Variants in LDLRAD4 observed in about 807,000 individuals in gnomAD.
LDLRAD4 encodes the protein low-density lipoprotein receptor class A domain-containing protein 4.
Under a neutral mutation model 17.0 loss-of-function variants are expected in LDLRAD4, and 5 were observed. The ratio of observed to expected loss-of-function variants is 0.29; its 90% CI spans 0.15 to 0.62. The LOEUF (loss-of-function observed/expected upper bound fraction) is 0.62, where lower values mean the gene tolerates loss of function less well. Ranked by LOEUF, LDLRAD4 falls within the 20% of genes least tolerant of loss-of-function variation. The pLI, the probability that LDLRAD4 is intolerant of heterozygous loss-of-function variation, is 0.84. For synonymous variants in LDLRAD4, 168 were observed against 171.8 expected, an observed-to-expected ratio of 0.98 and a Z score of 0.17; for missense variants, 340 against 424.7, an observed-to-expected ratio of 0.80 and a Z score of 1.75.
At chr18:13,506,165 G>T (rs144527332) in intron 3 of LDLRAD4, among the ~76,000 whole-genome samples, 2 of 152,048 alleles carry the variant, frequency 1.3e-5, no homozygotes, top group Non-Finnish European at 2.9e-5. Flanking sequence ...TCCCCTGGGC[G>T]TGACAGGAGT....
At chr18:13,637,416 G>A (rs1280098919) in intron 4 of LDLRAD4, among the ~76,000 whole-genome samples, 1 of 152,080 alleles carries the variant, frequency 6.6e-6, no homozygotes, top group East Asian at 1.9e-4. Flanking sequence ...AACCTTAAGA[G>A]AAAGCTCCTG....
At chr18:13,288,753 G>A (rs932817681) in intron 1 of LDLRAD4, among the ~76,000 whole-genome samples, 1 of 90,544 alleles carries the variant, frequency 1.1e-5, no homozygotes, top group Non-Finnish European at 2.6e-5. Flanking sequence ...TGCAAGGTGA[G>A]TCACGGGCCA....
chr18:13,592,834 G>T (rs896134516), intron 3 of LDLRAD4, among the ~76,000 whole-genome samples: 1 of 152,168 alleles, frequency 6.6e-6, no homozygotes, highest in Non-Finnish European at 1.5e-5. Flanking sequence ...TTCCCAGTTG[G>T]AAAGGGAGTG....
At chr18:13,566,596 C>G (rs2094605402) in intron 3 of LDLRAD4, among the ~76,000 whole-genome samples, 1 of 152,104 alleles carries the variant, frequency 6.6e-6, no homozygotes. Context: ...CTCTTGACCT[C>G]ATGATCCACC....
chr18:13,322,457 G>A (rs1366590921), intron 1 of LDLRAD4, among the ~76,000 whole-genome samples: 3 of 144,804 alleles, frequency 2.1e-5, no homozygotes, highest in East Asian at 2.1e-4. Context: ...GTACCACGAC[G>A]CCCAGCTAAT....
At chr18:13,632,505 C>T (rs1027093348) in intron 4 of LDLRAD4, among the ~76,000 whole-genome samples, 8 of 152,198 alleles carry the variant, frequency 5.3e-5, no homozygotes, top group Middle Eastern at 3.2e-3. Flanking sequence ...CAGGCACTTG[C>T]GTCTGGATGA....
At chr18:13,245,349 A>G (rs566170074) in intron 1 of LDLRAD4, among the ~76,000 whole-genome samples, 35 of 152,296 alleles carry the variant, frequency 2.3e-4, no homozygotes, top group African/African-American at 8.2e-4. Context: ...GATTCAGGTG[A>G]TATCAATTTT....
At chr18:13,295,063 T>C (rs558655288) in intron 1 of LDLRAD4, among the ~76,000 whole-genome samples, 1 of 152,252 alleles carries the variant, frequency 6.6e-6, no homozygotes, top group South Asian at 2.1e-4. Context: ...AAGAAGCAAA[T>C]TGTGGAATCT....
At chr18:13,321,856 C>T (rs557180256) in intron 1 of LDLRAD4, among the ~76,000 whole-genome samples, 3 of 53,414 alleles carry the variant, frequency 5.6e-5, no homozygotes, top group Non-Finnish European at 1.0e-4. Flanking sequence ...AGCGAGACTC[C>T]GTCTCAAAAA....
At chr18:13,613,849 CA>C (rs2039835333) in intron 3 of LDLRAD4, 1 of 152,268 alleles carries the variant, frequency 6.6e-6, no homozygotes, top group Non-Finnish European at 1.5e-5. Flanking sequence ...ACCTGCCCTC[CA>C]CGTTCATCTC....
chr18:13,568,848 C>T (rs879736), intron 3 of LDLRAD4, among the ~76,000 whole-genome samples: 26,093 of 152,026 alleles, frequency 0.17, 2,435 homozygotes, highest in East Asian at 0.35. Context: ...GCCAAGCGTG[C>T]GTCTATCCAG....
chr18:13,616,831 C>T (rs1050186946), intron 3 of LDLRAD4, among the ~76,000 whole-genome samples: 1 of 152,218 alleles, frequency 6.6e-6, no homozygotes, highest in Non-Finnish European at 1.5e-5. Flanking sequence ...GGTTTGCAGG[C>T]TCCTGAGGAC....
intron 3 of LDLRAD4, among the ~76,000 whole-genome samples, chr18:13,610,812 G>A (rs2039481807): frequency 6.6e-6 from 1 of 152,150 alleles, no homozygotes; most frequent in Admixed American, 6.5e-5. Flanking sequence ...GCCTCTTTCT[G>A]AGGGTGACTC....
intron 3 of LDLRAD4, among the ~76,000 whole-genome samples, chr18:13,540,386 C>T (rs2094260314): frequency 1.3e-5 from 2 of 152,138 alleles, no homozygotes; most frequent in South Asian, 4.2e-4. Flanking sequence ...TAAGGGCAAG[C>T]CAAGGAAACA....
intron 3 of LDLRAD4, among the ~76,000 whole-genome samples, chr18:13,500,261 G>T (rs77839766): frequency 0.029 from 4,407 of 152,258 alleles, 73 homozygotes; most frequent in East Asian, 0.048. Flanking sequence ...CAGCTGTCTT[G>T]TGACTTCCCA....
intron 3 of LDLRAD4, among the ~76,000 whole-genome samples, chr18:13,542,664 G>A (rs2147963430): frequency 6.6e-6 from 1 of 152,296 alleles, no homozygotes; most frequent in South Asian, 2.1e-4. Context: ...ATAAGGAGGC[G>A]GGGCGGGCGG....
chr18:13,536,906 A>G (rs1444425311), intron 3 of LDLRAD4, among the ~76,000 whole-genome samples: 2 of 152,194 alleles, frequency 1.3e-5, no homozygotes, highest in African/African-American at 4.8e-5. Context: ...AATATTCTGT[A>G]ATTATAATAA....
intron 1 of LDLRAD4, among the ~76,000 whole-genome samples, chr18:13,325,266 A>G (rs532682095): frequency 6.6e-6 from 1 of 152,272 alleles, no homozygotes; most frequent in South Asian, 2.1e-4. Flanking sequence ...TTCCTTTCAC[A>G]TTTTGAAGTG....
chr18:13,405,070 G>C (rs558695773), intron 2 of LDLRAD4, among the ~76,000 whole-genome samples: 1 of 151,762 alleles, frequency 6.6e-6, no homozygotes, highest in Admixed American at 6.6e-5. Context: ...GAAGCTGCAC[G>C]TTTGCTATTT....
Sources: allele counts gnomAD v4.1 joint callset (sites outside exome capture counted in the v4.1 genomes callset), GRCh38; gene constraint gnomAD v4.1.1; transcripts MANE v1.5; gene names NCBI Gene and HGNC (gene_info 2026-07-23, HGNC 2026-07-21).